The following PRELID2 variants were observed in gnomAD, a reference collection of about 807,000 sequenced individuals.
PRELID2 encodes PRELI domain-containing protein 2.
A neutral mutation model predicts 28.4 loss-of-function variants in PRELID2; 25 were observed. The observed-to-expected ratio is 0.88, with a 90% confidence interval of 0.64 to 1.23. The LOEUF (loss-of-function observed/expected upper bound fraction) is 1.23, where lower values mean the gene tolerates loss of function less well. Ranked by LOEUF, PRELID2 falls within the 50% of genes most tolerant of loss-of-function variation. The pLI is 0.00. For missense variants in PRELID2, 201 were observed against 214.4 expected (o/e 0.94, Z 0.39); for synonymous variants, 76 against 71.6 (o/e 1.06, Z -0.31).
chr5:145,421,098 G>A, the PRELID2 span, among the ~76,000 whole-genome samples: 1 of 151,634 alleles, frequency 6.6e-6, no homozygotes, highest in Non-Finnish European at 1.5e-5. Context: ...TGATCATGGG[G>A]GATAAGCTTT....
chr5:145,760,610 T>C (rs1163756919), intron 6 of PRELID2, 85 bp from the exon 7 acceptor site: 1 of 152,230 alleles, frequency 6.6e-6, no homozygotes, highest in Non-Finnish European at 1.5e-5. Flanking sequence ...CTGAAGCAAC[T>C]CTTCAGAGTC....
At chr5:145,430,498 A>C in the PRELID2 span, among the ~76,000 whole-genome samples, 1 of 152,120 alleles carries the variant, frequency 6.6e-6, no homozygotes, top group Non-Finnish European at 1.5e-5. Context: ...TGAAGAACTC[A>C]AACCTGCTCT....
the PRELID2 span, among the ~76,000 whole-genome samples, chr5:145,417,699 C>T: frequency 5.3e-5 from 8 of 152,088 alleles, no homozygotes; most frequent in Non-Finnish European, 1.2e-4. Flanking sequence ...TTCAACATCC[C>T]TTCATGTTAA....
At chr5:145,291,585 G>T in the PRELID2 span, among the ~76,000 whole-genome samples, 23 of 152,230 alleles carry the variant, frequency 1.5e-4, no homozygotes, top group African/African-American at 5.3e-4. Context: ...CACTTGGTTT[G>T]TGATGCTTCG....
At chr5:145,407,778 A>G in the PRELID2 span, among the ~76,000 whole-genome samples, 5 of 152,184 alleles carry the variant, frequency 3.3e-5, no homozygotes, top group East Asian at 3.9e-4. Flanking sequence ...ACCAACAACA[A>G]CTGGATAACC....
chr5:145,726,336 A>G (rs1420466944), intron 1 of PRELID2, among the ~76,000 whole-genome samples: 1 of 152,134 alleles, frequency 6.6e-6, no homozygotes, highest in African/African-American at 2.4e-5. Context: ...AGAAAGAGAA[A>G]GAAAAGGGAA....
At chr5:145,520,729 T>G (rs2126649866) in intron 1 of PRELID2, among the ~76,000 whole-genome samples, 1 of 152,318 alleles carries the variant, frequency 6.6e-6, no homozygotes, top group Admixed American at 6.5e-5. Context: ...ATAAATATGT[T>G]TTAGTATCCT....
chr5:145,430,973 A>ACAT, the PRELID2 span, among the ~76,000 whole-genome samples: 1 of 145,734 alleles, frequency 6.9e-6, no homozygotes, highest in Non-Finnish European at 1.5e-5. Flanking sequence ...AGAACAAATT[A>ACAT]CATCAAACTC....
the PRELID2 span, among the ~76,000 whole-genome samples, chr5:145,368,929 C>T: frequency 1.3e-5 from 2 of 151,444 alleles, no homozygotes; most frequent in African/African-American, 2.4e-5. Context: ...AAGCCTAGTA[C>T]CCATTAGTTA....
intron 1 of PRELID2, among the ~76,000 whole-genome samples, chr5:145,740,566 C>A (rs1333323267): frequency 3.0e-5 from 2 of 67,612 alleles, no homozygotes; most frequent in Admixed American, 2.2e-4. Flanking sequence ...TTCAAGTACC[C>A]ATGAAATATA....
the PRELID2 span, among the ~76,000 whole-genome samples, chr5:145,323,601 T>C: frequency 1.3e-5 from 2 of 152,192 alleles, no homozygotes; most frequent in Admixed American, 6.5e-5. Context: ...AGTTTTTCAA[T>C]CATCATCCTC....
At chr5:145,381,726 C>T in the PRELID2 span, 2 of 152,198 alleles carry the variant, frequency 1.3e-5, no homozygotes, top group Non-Finnish European at 2.9e-5. Context: ...TTTCTGCGAA[C>T]AAAACAAGAC....
At chr5:145,597,121 A>C (rs185574667) in intron 1 of PRELID2, among the ~76,000 whole-genome samples, 125 of 152,322 alleles carry the variant, frequency 8.2e-4, no homozygotes, top group Middle Eastern at 6.8e-3. Context: ...TGATATGAAA[A>C]TTAAATAACT....
chr5:145,589,853 T>A (rs1753204278), intron 1 of PRELID2, among the ~76,000 whole-genome samples: 1 of 152,204 alleles, frequency 6.6e-6, no homozygotes, highest in African/African-American at 2.4e-5. Context: ...AATCCACTTG[T>A]AATTTATTTT....
chr5:145,295,013 C>T, the PRELID2 span, among the ~76,000 whole-genome samples: 2 of 152,124 alleles, frequency 1.3e-5, no homozygotes, highest in Non-Finnish European at 2.9e-5. Flanking sequence ...TACTAGGGAA[C>T]ATAGATATTG....
chr5:145,427,068 T>G, the PRELID2 span, among the ~76,000 whole-genome samples: 1 of 152,236 alleles, frequency 6.6e-6, no homozygotes, highest in Non-Finnish European at 1.5e-5. Flanking sequence ...GAATCAATTT[T>G]CTTGTACCCC....
rs142089929 is a variant in PRELID2 at position 145,620,419 on chromosome 5, T to A, written n.70+144512A>T. Among the ~76,000 whole-genome samples the A allele has an allele frequency of 7.0e-4, 106 of 152,282 alleles. No homozygotes were observed. The East Asian group carries it at 0.016, about 23-fold the overall frequency. On this transcript the variant is annotated intron_variant and non_coding_transcript_variant, in intron 1 of 2. Transcript: ENST00000510259. ...GACTTTGGCTGATAATGATGATCCA[T>A]GTAGATTCACCAACTGTTAGAAAGG...
At chr5:145,655,430 C>T (rs1754376569) in intron 1 of PRELID2, among the ~76,000 whole-genome samples, 1 of 152,184 alleles carries the variant, frequency 6.6e-6, no homozygotes, top group African/African-American at 2.4e-5. Context: ...AAAAAAGAGC[C>T]CGCATTGCCA....
intron 1 of PRELID2, among the ~76,000 whole-genome samples, chr5:145,637,224 A>G (rs1237954246): frequency 6.6e-6 from 1 of 152,266 alleles, no homozygotes; most frequent in African/African-American, 2.4e-5. Context: ...ACTGCATAAC[A>G]GACATTTTAC....
Sources: gnomAD v4.1 joint callset for allele counts (sites outside exome capture counted in the v4.1 genomes callset) on GRCh38, gnomAD v4.1.1 for gene constraint, MANE v1.5 for transcripts, NCBI Gene and HGNC (gene_info 2026-07-23, HGNC 2026-07-21) for gene names.